Variants in PCCA observed in about 807,000 individuals in gnomAD.
The protein encoded by PCCA is propionyl-CoA carboxylase subunit alpha.
Under a neutral mutation model 101.3 loss-of-function variants are expected in PCCA, and 74 were observed. The observed-to-expected ratio is 0.73, with a 90% CI of 0.61 to 0.89. The LOEUF is 0.89. PCCA is among the 40% of genes least tolerant of loss of function. PCCA has a pLI of 0.00. For synonymous variants in PCCA, 294 were observed against 313.6 expected, an observed-to-expected ratio of 0.94 and a Z score of 0.66; for missense variants, 891 against 907.0, an observed-to-expected ratio of 0.98 and a Z score of 0.23.
At chr13:100,496,392 G>A (rs1281256370) in intron 21 of PCCA, among the ~76,000 whole-genome samples, 1 of 152,158 alleles carries the variant, frequency 6.6e-6, no homozygotes, top group East Asian at 1.9e-4. Context: ...CCGTGATCTT[G>A]ACATTTTTGA....
chr13:100,117,959 A>G (rs2048970959), intron 4 of PCCA, among the ~76,000 whole-genome samples: 1 of 151,892 alleles, frequency 6.6e-6, no homozygotes, highest in South Asian at 2.1e-4. Context: ...TACTAAAAAT[A>G]CAAAAAATTA....
At chr13:100,199,458 A>T (rs2058335708) in intron 6 of PCCA, among the ~76,000 whole-genome samples, 1 of 151,956 alleles carries the variant, frequency 6.6e-6, no homozygotes, top group African/African-American at 2.4e-5. Flanking sequence ...TGGGTGTTTG[A>T]CTTACAGAGT....
intron 7 of PCCA, among the ~76,000 whole-genome samples, chr13:100,211,913 T>A (rs2059240570): frequency 6.6e-6 from 1 of 152,056 alleles, no homozygotes; most frequent in Non-Finnish European, 1.5e-5. Flanking sequence ...CCTACTTTTT[T>A]ATATTTTGTA....
intron 18 of PCCA, among the ~76,000 whole-genome samples, chr13:100,351,841 T>C (rs1179536016): frequency 3.9e-5 from 6 of 152,192 alleles, no homozygotes; most frequent in African/African-American, 1.2e-4. Context: ...TTTTCAGCCT[T>C]ATCCCCAATA....
intron 6 of PCCA, among the ~76,000 whole-genome samples, chr13:100,157,802 C>T (rs1336771645): frequency 2.0e-5 from 3 of 152,012 alleles, no homozygotes; most frequent in Admixed American, 2.0e-4. Context: ...TTGATTTTTC[C>T]AGGTATATTT....
chr13:100,286,687 G>T lies in PCCA; in HGVS notation c.1065+13341G>T, dbSNP rs148772465. Among the ~76,000 whole-genome samples the T allele has an allele frequency of 3.4e-3, 512 of 149,598 alleles. 4 individuals are homozygous for T. Among genetic ancestry groups the T allele is most frequent in the African/African-American group, 0.012 (493 of 40,748 alleles). On this transcript the variant is annotated intron_variant, in intron 12 of 23. Coordinates refer to ENST00000376285, the MANE Select transcript of PCCA (RefSeq NM_000282.4). ...GTGTCTTGGCTTAGTTGTTTTGCTTGATTTTCCAAAAGAAGAAGCTTCTCT... is the reference window on the plus strand; with the variant it reads ...GTGTCTTGGCTTAGTTGTTTTGCTTTATTTTCCAAAAGAAGAAGCTTCTCT...
intron 19 of PCCA, among the ~76,000 whole-genome samples, chr13:100,408,948 CG>C (rs2077852750): frequency 6.6e-6 from 1 of 152,040 alleles, no homozygotes; most frequent in African/African-American, 2.4e-5. Context: ...GTTCTTTCAC[CG>C]AGGAGAGAAG....
chr13:100,444,051 A>T (rs1360891559), intron 20 of PCCA, among the ~76,000 whole-genome samples: 1 of 152,094 alleles, frequency 6.6e-6, no homozygotes, highest in African/African-American at 2.4e-5. Context: ...ACCTGGGTTT[A>T]TAATTCCTTC....
intron 13 of PCCA, among the ~76,000 whole-genome samples, chr13:100,302,436 G>T (rs898969605): frequency 6.6e-6 from 1 of 151,244 alleles, no homozygotes; most frequent in East Asian, 1.9e-4. Flanking sequence ...TTATTCTGAT[G>T]ATCTAAGATA....
chr13:100,241,000 A>G (rs1214804524), intron 8 of PCCA, among the ~76,000 whole-genome samples: 2 of 152,162 alleles, frequency 1.3e-5, no homozygotes, highest in African/African-American at 4.8e-5. Context: ...GATTTCCCTC[A>G]TGATCCTTCC....
At chr13:100,234,707 T>G (rs952364604) in intron 7 of PCCA, among the ~76,000 whole-genome samples, 24 of 149,562 alleles carry the variant, frequency 1.6e-4, no homozygotes, top group African/African-American at 5.9e-4. Context: ...CCCGCCCCCT[T>G]CTCGGAGGAT....
chr13:100,526,488 G>A (rs2087831028), intron 22 of PCCA, among the ~76,000 whole-genome samples: 1 of 152,260 alleles, frequency 6.6e-6, no homozygotes, highest in African/African-American at 2.4e-5. Flanking sequence ...CAGAGTGCCA[G>A]CAAGACAGCT....
intron 18 of PCCA, among the ~76,000 whole-genome samples, chr13:100,344,790 C>A (rs1257633788): frequency 6.6e-6 from 1 of 152,094 alleles, no homozygotes; most frequent in African/African-American, 2.4e-5. Flanking sequence ...TTATGGCAAC[C>A]CTGCATTGAG....
At chr13:100,298,114 A>C (rs546854211) in intron 12 of PCCA, among the ~76,000 whole-genome samples, 1 of 152,276 alleles carries the variant, frequency 6.6e-6, no homozygotes, top group African/African-American at 2.4e-5. Flanking sequence ...GAAAGAGCAC[A>C]TTGCTGTTGG....
At chr13:100,458,291 C>G (rs2081896919) in intron 21 of PCCA, among the ~76,000 whole-genome samples, 1 of 132,436 alleles carries the variant, frequency 7.6e-6, no homozygotes, top group Non-Finnish European at 1.6e-5. Flanking sequence ...GGGACCCCAT[C>G]TCTACACACA....
chr13:100,220,364 G>A (rs1257788512), intron 7 of PCCA, among the ~76,000 whole-genome samples: 1 of 151,542 alleles, frequency 6.6e-6, no homozygotes, highest in Admixed American at 6.6e-5. Context: ...GGTTGAAGCA[G>A]TTCTCCTGCC....
At chr13:100,421,772 C>T (rs537725853) in intron 19 of PCCA, among the ~76,000 whole-genome samples, 1 of 151,924 alleles carries the variant, frequency 6.6e-6, no homozygotes, top group Non-Finnish European at 1.5e-5. Flanking sequence ...GCAACCTCTG[C>T]CTCCCAGGTT....
At chr13:100,443,940 A>G (rs2080570867) in intron 20 of PCCA, among the ~76,000 whole-genome samples, 1 of 152,004 alleles carries the variant, frequency 6.6e-6, no homozygotes. Flanking sequence ...TATCTTCAGC[A>G]TGACCTCAGA....
At chr13:100,450,890 A>G (rs2081173918) in intron 21 of PCCA, among the ~76,000 whole-genome samples, 1 of 152,242 alleles carries the variant, frequency 6.6e-6, no homozygotes, top group East Asian at 1.9e-4. Context: ...TGTATGTCAT[A>G]ATATGTTGCA....
Sources: gnomAD v4.1 joint callset for allele counts (sites outside exome capture counted in the v4.1 genomes callset) on GRCh38, gnomAD v4.1.1 for gene constraint, MANE v1.5 for transcripts, NCBI Gene and HGNC (gene_info 2026-07-23, HGNC 2026-07-21) for gene names.